PCSK5: variants seen among roughly 807,000 people sequenced by gnomAD.
The protein encoded by PCSK5 is proprotein convertase subtilisin/kexin type 5, also known as prohormone convertase 5.
A neutral mutation model predicts 233.2 loss-of-function variants in PCSK5; 129 were observed. The ratio of observed to expected loss-of-function variants is 0.55; its 90% CI spans 0.48 to 0.64. PCSK5 has a LOEUF of 0.64. Ranked by LOEUF, PCSK5 falls within the 30% of genes least tolerant of loss-of-function variation. PCSK5 has a pLI of 0.00. For missense variants in PCSK5, 2,076 were observed against 2,430.1 expected (o/e 0.85, Z 3.06); for synonymous variants, 825 against 879.2 (o/e 0.94, Z 1.09).
At chr9:76,302,337 A>G (rs2131425526) in intron 28 of PCSK5, 120 bp downstream of exon 28, 2 of 367,102 alleles carry the variant, frequency 5.4e-6, no homozygotes, top group South Asian at 5.0e-5. Flanking sequence ...GCAGAGATGC[A>G]GAGGTCATTA....
intron 24 of PCSK5, among the ~76,000 whole-genome samples, chr9:76,267,855 C>T (rs1827383164): frequency 6.6e-6 from 1 of 152,002 alleles, no homozygotes; most frequent in South Asian, 2.1e-4. Context: ...AGAATGGATA[C>T]AAGGAGAAAA....
intron 7 of PCSK5, among the ~76,000 whole-genome samples, chr9:76,088,751 C>G (rs1831164009): frequency 6.6e-6 from 1 of 152,124 alleles, no homozygotes; most frequent in African/African-American, 2.4e-5. Context: ...ACTACATTAT[C>G]TCTGTGCATC....
At chr9:76,182,607 T>A (rs1167551163) in intron 16 of PCSK5, among the ~76,000 whole-genome samples, 1 of 151,828 alleles carries the variant, frequency 6.6e-6, no homozygotes. Flanking sequence ...GTTTGGGCCC[T>A]AATCAGCCAT....
Position 76,121,486 on chromosome 9 carries a change from A to C in PCSK5, c.1209-12623A>C, listed in dbSNP as rs187414177. Among the ~76,000 whole-genome samples the C allele has an allele frequency of 4.7e-4, 72 of 152,292 alleles. No individual in the cohort carries two copies. In the East Asian group the frequency reaches 0.014, roughly 29 times the overall value. ...AGCAGCTAGCTAACATTAGTTGTGT[A>C]CCTACAGCAGATAAATAGCATTTTC... On this transcript the variant is annotated intron_variant, in intron 9 of 37. Transcript: ENST00000674117.
At chr9:75,893,081 G>A in intron 1 of PCSK5, among the ~76,000 whole-genome samples, 1 of 122,674 alleles carries the variant, frequency 8.2e-6, no homozygotes, top group East Asian at 2.2e-4. Context: ...CCTGGGAATG[G>A]AACTGGGGAG....
intron 20 of PCSK5, among the ~76,000 whole-genome samples, chr9:76,190,779 A>G (rs1396322645): frequency 6.6e-6 from 1 of 152,168 alleles, no homozygotes; most frequent in Non-Finnish European, 1.5e-5. Context: ...AGAACTTAAT[A>G]TTTCAAAATG....
intron 7 of PCSK5, among the ~76,000 whole-genome samples, chr9:76,086,528 T>C (rs1037914850): frequency 2.6e-5 from 4 of 152,172 alleles, no homozygotes; most frequent in African/African-American, 9.7e-5. Context: ...CCAGTATGAA[T>C]TGACATCGAG....
At chr9:76,171,695 T>C (rs1053504355) in intron 13 of PCSK5, among the ~76,000 whole-genome samples, 1 of 152,194 alleles carries the variant, frequency 6.6e-6, no homozygotes, top group African/African-American at 2.4e-5. Context: ...ACCTATTTCA[T>C]AGCAGAGGCA....
In PCSK5 at chr9:76,071,604, G is replaced by T. The variant is rs1296540146; in HGVS notation, c.722-122G>T. 9 of 771,724 alleles carry T rather than the reference G, an allele frequency of 1.2e-5. No individual in the cohort carries two copies. In the African/African-American group the frequency reaches 1.6e-4, roughly 13 times the overall value. The allele number at this position is 771,724 out of a possible 1,614,324, so 47.8% of individuals were successfully genotyped here. On this transcript the variant is annotated intron_variant, in intron 6 of 37. Coordinates refer to ENST00000674117, the MANE Select transcript of PCSK5 (RefSeq NM_001372043.1). ...ATACATTATCCTTTTGCTGGGGGAA[G>T]ATATGCTCACTTAAGTGTTGATTAA...
At chr9:76,094,619 T>C (rs1489489926) in intron 7 of PCSK5, among the ~76,000 whole-genome samples, 1 of 152,210 alleles carries the variant, frequency 6.6e-6, no homozygotes, top group Non-Finnish European at 1.5e-5. Context: ...CATTTTTTTT[T>C]TCAAGATGGA....
At chr9:75,931,154 C>T (rs907958838) in intron 1 of PCSK5, among the ~76,000 whole-genome samples, 2 of 151,536 alleles carry the variant, frequency 1.3e-5, no homozygotes, top group Non-Finnish European at 2.9e-5. Flanking sequence ...TTCTAAATAG[C>T]ACAGAAATTG....
rs753826202 is a variant in PCSK5, at chr9:75,891,136, G to T, written c.-46G>T. 1 of 1,424,494 alleles carries T rather than the reference G, an allele frequency of 7.0e-7. No homozygotes were observed. The highest frequency in any genetic ancestry group is 3.1e-5 in the Admixed American group (1 of 32,142). 88.2% of individuals were successfully genotyped at this position (1,424,494 alleles called of 1,614,324 possible). A position where few individuals can be genotyped will look rare whatever the true frequency, so the allele number is the denominator to read the frequency against. ...GAAGTTAGTTGTGCGCGCCCTTAGT[G>T]CGCGGAACCAGCCAGCGAGCGAGGG... is the stretch of plus-strand genomic sequence containing the variant. On this transcript the variant is annotated 5_prime_UTR_variant, in exon 1 of 38. Coordinates refer to ENST00000674117, the MANE Select transcript of PCSK5 (RefSeq NM_001372043.1).
intron 5 of PCSK5, among the ~76,000 whole-genome samples, chr9:76,038,181 C>A (rs964399485): frequency 2.0e-5 from 3 of 152,134 alleles, no homozygotes; most frequent in African/African-American, 2.4e-5. Context: ...GTCCCAATTA[C>A]CATATATAGA....
rs202243306 is a variant in PCSK5 at position 75,932,502 on chromosome 9, G to C, written c.297+19G>C. The C allele has an allele frequency of 5.6e-6, 8 of 1,433,052 alleles. No homozygotes were observed. Among genetic ancestry groups the C allele is most frequent in the Non-Finnish European group, 7.9e-6 (8 of 1,014,924 alleles). The allele number at this position is 1,433,052 out of a possible 1,614,324, so 88.8% of individuals were successfully genotyped here. A position where few individuals can be genotyped will look rare whatever the true frequency, so the allele number is the denominator to read the frequency against. On this transcript the variant is annotated intron_variant, in intron 2 of 37. Coordinates refer to ENST00000674117, the MANE Select transcript of PCSK5 (RefSeq NM_001372043.1). ...ACCAAAGGTAAGAAGAACCAGTTGC[G>C]TGGGGACCAAGAGGCAAAGCTTCTG... is the stretch of plus-strand genomic sequence containing the variant.
In PCSK5 at chr9:76,239,125, G is replaced by T. The variant is rs61747961; in HGVS notation, c.3033G>T (p.Ala1011=). The T allele has an allele frequency of 9.4e-6, 15 of 1,597,804 alleles. No homozygotes were observed. The African/African-American group carries it at 1.7e-4, about 19-fold the overall frequency. Residue 1011 remains alanine, a synonymous_variant, in exon 23 of 38, where the codon GCG becomes GCT. Transcript: ENST00000674117. ...CTRCMKGYFI[A]PTNHTCQKLE... is the part of the protein sequence containing the mutation. The stretch of plus-strand genomic sequence containing the variant: ...GATGCATGAAGGGCTACTTCATAGC[G>T]CCCACCAACCACACATGCCAGAAGT...
At chr9:75,923,221 T>A (rs1823329385) in intron 1 of PCSK5, among the ~76,000 whole-genome samples, 1 of 152,218 alleles carries the variant, frequency 6.6e-6, no homozygotes, top group Non-Finnish European at 1.5e-5. Context: ...TCTTTTAGGT[T>A]TAGAGTCAGT....
intron 27 of PCSK5, 33 bp downstream of exon 27, chr9:76,296,898 T>G: frequency 7.3e-7 from 1 of 1,366,528 alleles, no homozygotes; most frequent in Non-Finnish European, 1.0e-6. Flanking sequence ...GTCACAGGGG[T>G]CTAGCGACCT....
At position 75,902,214 on chromosome 9, in the gene PCSK5, T is replaced by TAAAAAAAAAA. The variant is rs200579439; in HGVS notation, c.192+10861_192+10870dup. Among the ~76,000 whole-genome samples the TAAAAAAAAAA allele has an allele frequency of 5.9e-3, 313 of 53,200 alleles. 7 individuals are homozygous for TAAAAAAAAAA. The highest frequency in any genetic ancestry group is 7.9e-3 in the African/African-American group (99 of 12,536). The allele number at this position is 53,200 out of a possible 152,430, so 34.9% of individuals were successfully genotyped here. On this transcript the variant is annotated intron_variant, in intron 1 of 37. Transcript: ENST00000674117. ...CTGGGTGACAGAGTGAGACACCATC[T>TAAAAAAAAAA]AAAAAAAAAAAAAAAAAAAAAAAAA... is the stretch of plus-strand genomic sequence containing the variant.
chr9:76,358,113 G>A (rs774855929), intron 37 of PCSK5, among the ~76,000 whole-genome samples: 1 of 152,200 alleles, frequency 6.6e-6, no homozygotes, highest in African/African-American at 2.4e-5. Context: ...ATGGCAAACT[G>A]ACCTTCTTTC....
Sources: allele counts gnomAD v4.1 joint callset (sites outside exome capture counted in the v4.1 genomes callset), GRCh38; gene constraint gnomAD v4.1.1; transcripts MANE v1.5; gene names NCBI Gene and HGNC (gene_info 2026-07-23, HGNC 2026-07-21).